Variants in CDC42SE2 observed in about 807,000 individuals in gnomAD.
The protein encoded by CDC42SE2 is CDC42 small effector 2.
CDC42SE2 carries 3 observed loss-of-function variants against 11.5 expected under a neutral mutation model. The ratio of observed to expected loss-of-function variants is 0.26; its 90% CI spans 0.12 to 0.67. The LOEUF is 0.67. Among genes scored for constraint, CDC42SE2 ranks in the 30% least tolerant of loss-of-function variants. The pLI is 0.80. For missense variants in CDC42SE2, 82 were observed against 106.8 expected, an observed-to-expected ratio of 0.77 and a Z score of 1.02; for synonymous variants, 33 against 34.8, an observed-to-expected ratio of 0.95 and a Z score of 0.18.
chr5:131,241,213 C>CGTGATCCGCCCGCCTT (rs1037838149), upstream of CDC42SE2, among the ~76,000 whole-genome samples: 1 of 151,996 alleles, frequency 6.6e-6, no homozygotes, highest in African/African-American at 2.4e-5. Context: ...CTCCTGACCT[C>CGTGATCCGCCCGCCTT]GGCCTCCCAA....
upstream of CDC42SE2, among the ~76,000 whole-genome samples, chr5:131,244,923 G>A (rs2149681602): frequency 1.3e-5 from 2 of 152,100 alleles, no homozygotes; most frequent in South Asian, 4.2e-4. Flanking sequence ...ATTACTGGGG[G>A]GAATCATGAT....
intron 1 of CDC42SE2, among the ~76,000 whole-genome samples, chr5:131,295,198 A>C (rs1436940881): frequency 6.6e-6 from 1 of 151,532 alleles, no homozygotes; most frequent in African/African-American, 2.4e-5. Context: ...CATGAGAATC[A>C]CTTGAACCCA....
rs1199793032 is a variant in CDC42SE2, at chr5:131,392,072, A to T, written c.*981A>T. On this transcript the variant is annotated 3_prime_UTR_variant, in exon 5 of 5. Transcript: ENST00000505065. ...GACAGAGTTCTTTGGATTGTCACTG[A>T]ATTTTCAATGTTTAATCAGTATGGA... 6.6e-6 allele frequency: 1 copy of T among 152,582 alleles called. No homozygotes were observed. Among genetic ancestry groups the T allele is most frequent in the Non-Finnish European group, 1.5e-5 (1 of 68,026 alleles). The allele number at this position is 152,582 out of a possible 1,614,324, so 9.5% of individuals were successfully genotyped here. A position where few individuals can be genotyped will look rare whatever the true frequency, so the allele number is the denominator to read the frequency against.
At chr5:131,364,544 G>C (rs1749801073) in intron 3 of CDC42SE2, among the ~76,000 whole-genome samples, 3 of 152,312 alleles carry the variant, frequency 2.0e-5, no homozygotes, top group Middle Eastern at 3.4e-3. Flanking sequence ...GAATGGTTTA[G>C]AGCAAAAAGC....
At chr5:131,308,667 T>G (rs1438036610) in intron 1 of CDC42SE2, among the ~76,000 whole-genome samples, 1 of 146,456 alleles carries the variant, frequency 6.8e-6, no homozygotes. Flanking sequence ...TCACATCCCT[T>G]GTAAGTTGGA....
intron 2 of CDC42SE2, among the ~76,000 whole-genome samples, chr5:131,351,476 G>C (rs972206958): frequency 5.9e-5 from 9 of 151,992 alleles, no homozygotes; most frequent in Non-Finnish European, 1.0e-4. Context: ...GGATGGTCTC[G>C]ATCTCCTGAC....
intron 1 of CDC42SE2, among the ~76,000 whole-genome samples, chr5:131,290,929 G>C (rs1290805076): frequency 6.6e-6 from 1 of 151,960 alleles, no homozygotes; most frequent in Non-Finnish European, 1.5e-5. Context: ...TCCATACCAA[G>C]GTAAATTCTT....
At chr5:131,242,005 A>AT (rs1203216672), upstream of CDC42SE2, among the ~76,000 whole-genome samples, 1 of 152,174 alleles carries the variant, frequency 6.6e-6, no homozygotes, top group Non-Finnish European at 1.5e-5. Flanking sequence ...TTCAATAAGC[A>AT]TTTGTTGAAT....
intron 2 of CDC42SE2, among the ~76,000 whole-genome samples, chr5:131,256,523 C>T (rs1580716202): frequency 6.6e-6 from 1 of 152,198 alleles, no homozygotes; most frequent in East Asian, 1.9e-4. Flanking sequence ...ACAGCATGGC[C>T]AGGTTCTCTG....
intron 4 of CDC42SE2, among the ~76,000 whole-genome samples, chr5:131,389,190 G>T (rs1750578193): frequency 6.6e-6 from 1 of 152,132 alleles, no homozygotes. Flanking sequence ...AACATGCCAT[G>T]TTAAGTGGAA....
At chr5:131,322,396 C>T (rs1318119398) in intron 2 of CDC42SE2, among the ~76,000 whole-genome samples, 1 of 152,202 alleles carries the variant, frequency 6.6e-6, no homozygotes, top group African/African-American at 2.4e-5. Flanking sequence ...TTAGATTCCT[C>T]ATGTAAATGG....
At chr5:131,210,082 G>A in the CDC42SE2 span, among the ~76,000 whole-genome samples, 2 of 152,094 alleles carry the variant, frequency 1.3e-5, no homozygotes, top group Non-Finnish European at 2.9e-5. Flanking sequence ...GTGATAAGCC[G>A]GCTCCCTCTT....
chr5:131,339,109 G>C (rs770049644), intron 2 of CDC42SE2, among the ~76,000 whole-genome samples: 1 of 151,758 alleles, frequency 6.6e-6, no homozygotes, highest in Non-Finnish European at 1.5e-5. Flanking sequence ...TTAGCTGGGC[G>C]TAGTGGTGCA....
intron 3 of CDC42SE2, 129 bp from the exon 4 acceptor site, chr5:131,385,414 T>A (rs925774673): frequency 1.7e-6 from 1 of 572,752 alleles, no homozygotes; most frequent in African/African-American, 1.9e-5. Context: ...AAGAAGTAAT[T>A]GTGGCAGTCT....
At chr5:131,336,339 T>C (rs1218535958) in intron 2 of CDC42SE2, among the ~76,000 whole-genome samples, 19 of 152,258 alleles carry the variant, frequency 1.2e-4, no homozygotes, top group Non-Finnish European at 2.2e-4. Context: ...CCGAGAGATC[T>C]GCTGTTAGTC....
rs192733152 is a variant in CDC42SE2, at chr5:131,389,327, T to G, written c.157-1666T>G. On this transcript the variant is annotated intron_variant, in intron 4 of 4. Transcript: ENST00000505065. Reference sequence around the variant, plus strand: ...TTCACACTGCATTAACTGAGCAAGTTTATGTTTAAAAAACAAACAAACAAA... The same window carrying G: ...TTCACACTGCATTAACTGAGCAAGTGTATGTTTAAAAAACAAACAAACAAA... Among the ~76,000 whole-genome samples, 22 of 152,344 alleles carry G rather than the reference T, an allele frequency of 1.4e-4. 1 individual carries two copies. Among genetic ancestry groups the G allele is most frequent in the Admixed American group, 1.4e-3 (22 of 15,298 alleles).
chr5:131,216,511 A>G, the CDC42SE2 span, among the ~76,000 whole-genome samples: 1 of 148,890 alleles, frequency 6.7e-6, no homozygotes, highest in South Asian at 2.1e-4. Flanking sequence ...CAAAAAAAAA[A>G]AAAAAAAAAA....
intron 1 of CDC42SE2, among the ~76,000 whole-genome samples, chr5:131,271,066 G>A (rs1478999797): frequency 6.6e-6 from 1 of 152,186 alleles, no homozygotes; most frequent in Non-Finnish European, 1.5e-5. Context: ...GCTGGAAGTG[G>A]TTGAGGATTC....
chr5:131,336,735 T>G (rs1158305846), intron 2 of CDC42SE2, among the ~76,000 whole-genome samples: 1 of 152,228 alleles, frequency 6.6e-6, no homozygotes, highest in African/African-American at 2.4e-5. Context: ...CTTCCATCAC[T>G]GATACCCTTT....
Sources: gnomAD v4.1 joint callset for allele counts (sites outside exome capture counted in the v4.1 genomes callset) on GRCh38, gnomAD v4.1.1 for gene constraint, MANE v1.5 for transcripts, NCBI Gene and HGNC (gene_info 2026-07-23, HGNC 2026-07-21) for gene names.